SNRNP200: variants seen among roughly 807,000 people sequenced by gnomAD.
SNRNP200 encodes the protein small nuclear ribonucleoprotein U5 subunit 200.
Under a neutral mutation model 255.2 loss-of-function variants are expected in SNRNP200, and 66 were observed. The ratio of observed to expected loss-of-function variants is 0.26; its 90% confidence interval spans 0.21 to 0.32. The LOEUF (loss-of-function observed/expected upper bound fraction) is 0.32, where lower values mean the gene tolerates loss of function less well. SNRNP200 is among the 10% of genes least tolerant of loss of function. The pLI is 1.00. For synonymous variants in SNRNP200, 939 were observed against 1,027.8 expected, an observed-to-expected ratio of 0.91 and a Z score of 1.65; for missense variants, 1,585 against 2,749.8, an observed-to-expected ratio of 0.58 and a Z score of 9.47.
At chr2:96,305,136 G>A (rs2063979306) in intron 1 of SNRNP200, among the ~76,000 whole-genome samples, 1 of 152,148 alleles carries the variant, frequency 6.6e-6, no homozygotes, top group African/African-American at 2.4e-5. Flanking sequence ...AGTAGTGAGT[G>A]GGTTGGGAGT....
At chr2:96,304,996 A>G in intron 1 of SNRNP200, 128 bp from the exon 2 acceptor site, 1 of 1,103,098 alleles carries the variant, frequency 9.1e-7, no homozygotes, top group Non-Finnish European at 1.3e-6. Flanking sequence ...TAATAAAAAT[A>G]TATTTTCCTT....
chr2:96,289,289 C>T lies in SNRNP200; in HGVS notation c.3031G>A (p.Glu1011Lys), dbSNP rs901145711. ...YNQLLKPTLS[E>K]IELFRVFSLS... ...GAGAAGACCCTGAAAAGCTCAATCTCACTCAGGGTGGGCTTCAGCAGCTGG... is the reference window on the plus strand; with the variant it reads ...GAGAAGACCCTGAAAAGCTCAATCTTACTCAGGGTGGGCTTCAGCAGCTGG... Residue 1011 changes from glutamate (E) to lysine (K), a missense_variant, in exon 22 of 45, where the codon GAG (glutamate) becomes AAG (lysine). Coordinates refer to ENST00000323853, the MANE Select transcript of SNRNP200 (RefSeq NM_014014.5). 1.7e-5 allele frequency: 27 copies of T among 1,614,094 alleles called. No individual in the cohort carries two copies. The highest frequency in any genetic ancestry group is 1.9e-5 in the Non-Finnish European group (23 of 1,180,042).
chr2:96,304,608 G>T, intron 2 of SNRNP200, 97 bp downstream of exon 2: 2 of 1,508,308 alleles, frequency 1.3e-6, no homozygotes, highest in Non-Finnish European at 1.8e-6. Context: ...TAATGCCACT[G>T]ATCTTACACC....
chr2:96,282,748 T>C (rs2063810828), intron 34 of SNRNP200: 1 of 288,804 alleles, frequency 3.5e-6, no homozygotes, highest in African/African-American at 2.2e-5. Flanking sequence ...CCCTTTGCCT[T>C]CCCTGAGGCC....
In SNRNP200 at chr2:96,285,343, G is replaced by A. The variant is rs759470206; in HGVS notation, c.4004-3C>T. On this transcript the variant is annotated splice_polypyrimidine_tract_variant and splice_region_variant and intron_variant, in intron 29 of 44. Coordinates refer to ENST00000323853, the MANE Select transcript of SNRNP200 (RefSeq NM_014014.5). Reference sequence around the variant, plus strand: ...ACTGTTGTATACAGTGTTAAACACTGGAAACCAACAGAAAGAAGCAGTGTA... The same window carrying A: ...ACTGTTGTATACAGTGTTAAACACTAGAAACCAACAGAAAGAAGCAGTGTA... The A allele has an allele frequency of 1.9e-6, 3 of 1,613,974 alleles. No homozygotes were observed. Among genetic ancestry groups the A allele is most frequent in the South Asian group, 1.1e-5 (1 of 91,092 alleles).
chr2:96,304,955 G>T (rs1046344702), intron 1 of SNRNP200, 87 bp from the exon 2 acceptor site: 2 of 1,412,672 alleles, frequency 1.4e-6, no homozygotes, highest in East Asian at 2.4e-5. Context: ...GGAAAAAATC[G>T]TAGTAACTAG....
Position 96,305,526 on chromosome 2 carries a change from A to C in SNRNP200, c.-89T>G. 6.4e-7 allele frequency: 1 copy of C among 1,573,950 alleles called. No individual in the cohort carries two copies. The highest frequency in any genetic ancestry group is 8.7e-7 in the Non-Finnish European group (1 of 1,148,748). ...AGATCTCTGCTCCCGCCGCGCCGGA[A>C]CGACGCAGGAAAGACGCACTGGGGA... On this transcript the variant is annotated 5_prime_UTR_variant, in exon 1 of 45. Transcript: ENST00000323853.
chr2:96,305,337 C>T (rs1558773883), intron 1 of SNRNP200, 56 bp downstream of exon 1: 1 of 1,608,084 alleles, frequency 6.2e-7, no homozygotes, highest in Non-Finnish European at 8.5e-7. Context: ...CTTTTTCAGC[C>T]TCCCCCTCCC....
rs2104356913 is a variant in SNRNP200 at position 96,296,790 on chromosome 2, C to A, written c.1516-99G>T. The A allele has an allele frequency of 2.6e-6, 4 of 1,556,540 alleles. No homozygotes were observed. In the East Asian group the frequency reaches 9.0e-5, roughly 35 times the overall value. On this transcript the variant is annotated intron_variant, in intron 12 of 44. Transcript: ENST00000323853. ...TTCCCAAATAGAGAATAGAGCTTGT[C>A]CTGGGCACTTTATCCTACTATTTAA...
chr2:96,279,251 A>G, intron 36 of SNRNP200, 200 bp downstream of exon 36: 1 of 655,140 alleles, frequency 1.5e-6, no homozygotes, highest in Admixed American at 2.3e-5. Context: ...GAAGACCTCA[A>G]CACGTGGAGC....
Position 96,277,361 on chromosome 2 carries a change from G to A in SNRNP200, c.5932-120C>T. Reference sequence around the variant, plus strand: ...ATCAAGTCATCTAGATAAAACAGCTGCAGAAAGAACACAGCCCACAGTTGG... The same window carrying A: ...ATCAAGTCATCTAGATAAAACAGCTACAGAAAGAACACAGCCCACAGTTGG... On this transcript the variant is annotated intron_variant, in intron 41 of 44. Transcript: ENST00000323853. This position sits in a 1 kb window ranked among gnomAD's most constrained non-coding sequence, Gnocchi z 4.4. The A allele has an allele frequency of 7.6e-7, 1 of 1,312,434 alleles. No individual in the cohort carries two copies. Among genetic ancestry groups the A allele is most frequent in the Non-Finnish European group, 1.1e-6 (1 of 914,256 alleles). The allele number at this position is 1,312,434 out of a possible 1,614,324, so 81.3% of individuals were successfully genotyped here.
At chr2:96,299,476 C>T (rs762661568) in intron 5 of SNRNP200, 49 bp from the exon 6 acceptor site, 1 of 1,452,202 alleles carries the variant, frequency 6.9e-7, no homozygotes, top group Non-Finnish European at 9.7e-7. Flanking sequence ...GATCCTGCAT[C>T]ACCACAGAAC....
chr2:96,297,151 T>C, intron 11 of SNRNP200, 81 bp from the exon 12 acceptor site: 1 of 1,594,716 alleles, frequency 6.3e-7, no homozygotes, highest in Non-Finnish European at 8.6e-7. Flanking sequence ...CAGGATTTTG[T>C]TCCCTGGCAA....
At chr2:96,280,794 C>T (rs1310235290) in intron 35 of SNRNP200, among the ~76,000 whole-genome samples, 2 of 151,714 alleles carry the variant, frequency 1.3e-5, no homozygotes, top group Admixed American at 6.6e-5. Flanking sequence ...GTGATCCACC[C>T]GCCTTGGCCT....
At chr2:96,288,805 A>C (rs1450603598) in intron 23 of SNRNP200, 59 bp from the exon 24 acceptor site, 1 of 1,450,294 alleles carries the variant, frequency 6.9e-7, no homozygotes, top group South Asian at 1.1e-5. Context: ...CAAGAAAGGG[A>C]ATTACATTTC....
chr2:96,285,225 C>G lies in SNRNP200; in HGVS notation c.4119G>C (p.Glu1373Asp), dbSNP rs766284031. Residue 1373 changes from glutamate to aspartate, a missense_variant, in exon 30 of 45, where the codon GAG (glutamate) becomes GAC (aspartate). This residue lies in a region of SNRNP200 where 719 missense variants were observed against 1,091.1 expected (regional missense o/e 0.66). Transcript: ENST00000323853. ...TGGGGGTGATGTACACACAGCGCCC[C>G]TCCGAGCTCTGCAGCAGCATTCGCA... ...AILRMLLQSS[E>D]GRCVYITPME... 4 of 1,614,204 alleles carry G rather than the reference C, an allele frequency of 2.5e-6. No individual in the cohort carries two copies. The highest frequency in any genetic ancestry group is 1.1e-5 in the South Asian group (1 of 91,088).
intron 36 of SNRNP200, 174 bp downstream of exon 36, chr2:96,279,271 CAGCAAA>C: frequency 1.5e-6 from 1 of 670,916 alleles, no homozygotes; most frequent in Admixed American, 2.3e-5. Flanking sequence ...CCAACGGCAG[CAGCAAA>C]AGCAAAAGGC....
intron 29 of SNRNP200, among the ~76,000 whole-genome samples, chr2:96,285,871 T>C (rs965877338): frequency 6.6e-6 from 1 of 152,148 alleles, no homozygotes; most frequent in South Asian, 2.1e-4. Context: ...GTATCTCCAA[T>C]AGAGATTCCT....
Position 96,297,349 on chromosome 2 carries a change from AG to A in SNRNP200, c.1377+13del, listed in dbSNP as rs2063923329. 6.2e-7 allele frequency: 1 copy of A among 1,612,898 alleles called. No homozygotes were observed. The highest frequency in any genetic ancestry group is 8.5e-7 in the Non-Finnish European group (1 of 1,179,934). ...GTGAACTGAGCAGAGAACTGAAGAA[AG>A]CAATTCACTTACTTCTTCTGAGCCA... is the stretch of plus-strand genomic sequence containing the variant. On this transcript the variant is annotated intron_variant, in intron 11 of 44. Coordinates refer to ENST00000323853, the MANE Select transcript of SNRNP200 (RefSeq NM_014014.5).
Sources: gnomAD v4.1 joint callset for allele counts (sites outside exome capture counted in the v4.1 genomes callset) on GRCh38, gnomAD v4.1.1 for gene constraint, gnomAD v4.1.1 regional missense constraint, Gnocchi (gnomAD v3.1) non-coding constraint, MANE v1.5 for transcripts, NCBI Gene and HGNC (gene_info 2026-07-23, HGNC 2026-07-21) for gene names.